The following COP1 variants were observed in gnomAD, a reference collection of about 807,000 sequenced individuals.
COP1 encodes the protein COP1 E3 ubiquitin ligase, also known as E3 ubiquitin-protein ligase COP1.
In COP1, 24 loss-of-function variants were observed where a neutral mutation model predicts 101.3. That is an observed-to-expected ratio of 0.24 (90% CI 0.17 to 0.33). The LOEUF is 0.33. Ranked by LOEUF, COP1 falls within the 10% of genes least tolerant of loss-of-function variation. The pLI, the probability that COP1 is intolerant of heterozygous loss-of-function variation, is 1.00. For missense variants in COP1, 663 were observed against 906.2 expected (o/e 0.73, Z 3.45); for synonymous variants, 347 against 341.9 (o/e 1.01, Z -0.17).
intron 11 of COP1, among the ~76,000 whole-genome samples, chr1:176,051,549 T>C (rs532060511): frequency 1.3e-5 from 2 of 152,328 alleles, no homozygotes; most frequent in South Asian, 2.1e-4. Context: ...TATACATTTA[T>C]CATTACTTTA....
At chr1:176,160,177 G>C (rs984453557) in intron 5 of COP1, 14 of 285,560 alleles carry the variant, frequency 4.9e-5, no homozygotes, top group African/African-American at 3.0e-4. Flanking sequence ...GCTGGCATAT[G>C]AGAAGGTAGG....
chr1:176,133,962 T>G (rs1312298818), intron 8 of COP1: 2 of 435,928 alleles, frequency 4.6e-6, no homozygotes, highest in East Asian at 1.4e-4. Flanking sequence ...AAGTAAAATA[T>G]AGAAGAAAAT....
At chr1:176,061,207 AACAG>A (rs1451426236) in intron 11 of COP1, among the ~76,000 whole-genome samples, 1 of 152,188 alleles carries the variant, frequency 6.6e-6, no homozygotes, top group Admixed American at 6.5e-5. Context: ...AATACAACAG[AACAG>A]ACAGTTAAGT....
chr1:176,066,304 C>G (rs1030478075), intron 11 of COP1, among the ~76,000 whole-genome samples: 2 of 152,142 alleles, frequency 1.3e-5, no homozygotes, highest in African/African-American at 4.8e-5. Context: ...GTAAAACTTT[C>G]AACATCAAAT....
intron 18 of COP1, among the ~76,000 whole-genome samples, chr1:175,960,660 T>G (rs1315355436): frequency 1.3e-5 from 2 of 152,176 alleles, no homozygotes; most frequent in Middle Eastern, 3.2e-3. Flanking sequence ...ACTGGTAACA[T>G]CAAAAGCAAC....
chr1:176,015,033 T>C (rs1348416757), intron 15 of COP1, among the ~76,000 whole-genome samples: 1 of 152,126 alleles, frequency 6.6e-6, no homozygotes, highest in East Asian at 1.9e-4. Context: ...GTGAGTCTCC[T>C]TGACAGAGGG....
In COP1 at chr1:175,976,270, C is replaced by CT. The variant is rs10694480; in HGVS notation, c.2133+10672dup. 4.9e-3 allele frequency among the ~76,000 whole-genome samples: 281 copies of CT among 56,846 alleles called. 57 individuals carry two copies. Among genetic ancestry groups the CT allele is most frequent in the African/African-American group, 0.012 (166 of 13,516 alleles). 37.3% of individuals were successfully genotyped at this position (56,846 alleles called of 152,430 possible). On this transcript the variant is annotated intron_variant, in intron 18 of 19. Coordinates refer to ENST00000367669, the MANE Select transcript of COP1 (RefSeq NM_022457.7). ...TAAGTCTCTATATCAATTAGTCATT[C>CT]TTTTTTTTTTTTTTTTTTTTTTTTT...
intron 18 of COP1, among the ~76,000 whole-genome samples, chr1:175,982,106 T>C (rs1364437852): frequency 6.6e-6 from 1 of 152,034 alleles, no homozygotes; most frequent in Non-Finnish European, 1.5e-5. Flanking sequence ...TTATGGAAAA[T>C]AATATGGAGG....
intron 2 of COP1, among the ~76,000 whole-genome samples, chr1:176,176,908 C>T (rs1025856110): frequency 2.0e-5 from 3 of 152,160 alleles, no homozygotes; most frequent in African/African-American, 7.2e-5. Flanking sequence ...TGTTAACCAG[C>T]ACAACTTTCC....
In COP1 at chr1:176,158,061, A is replaced by C. The variant is rs182592796; in HGVS notation, c.762+4808T>G. Among the ~76,000 whole-genome samples, 144 of 152,272 alleles carry C rather than the reference A, an allele frequency of 9.5e-4. 1 individual carries two copies. The highest frequency in any genetic ancestry group is 3.1e-3 in the African/African-American group (128 of 41,568). On this transcript the variant is annotated intron_variant, in intron 5 of 19. Transcript: ENST00000367669. ...AACTATAAATCTACAGATCTAAAAA[A>C]TTCAAAGAACCCAATAACAAAAAAC...
chr1:176,049,895 G>C (rs937568635), intron 11 of COP1, among the ~76,000 whole-genome samples: 7 of 152,154 alleles, frequency 4.6e-5, no homozygotes, highest in South Asian at 2.1e-4. Context: ...ACAGTGACTA[G>C]TTAGGCTGAG....
intron 15 of COP1, among the ~76,000 whole-genome samples, chr1:175,995,667 G>C (rs1028483058): frequency 2.0e-5 from 3 of 152,096 alleles, no homozygotes; most frequent in Non-Finnish European, 4.4e-5. Flanking sequence ...TAAATTCCTC[G>C]ACACATACAC....
chr1:176,161,388 A>G (rs1694301228), intron 5 of COP1, among the ~76,000 whole-genome samples: 1 of 152,130 alleles, frequency 6.6e-6, no homozygotes, highest in African/African-American at 2.4e-5. Flanking sequence ...CAAGAGTTTG[A>G]GACTACTGTA....
At chr1:176,088,263 A>G (rs2149437891) in intron 9 of COP1, among the ~76,000 whole-genome samples, 1 of 152,208 alleles carries the variant, frequency 6.6e-6, no homozygotes. Context: ...TAAAAAAAAA[A>G]AGAATGAGCT....
At chr1:176,091,878 A>T (rs1681391872) in intron 9 of COP1, among the ~76,000 whole-genome samples, 1 of 152,214 alleles carries the variant, frequency 6.6e-6, no homozygotes, top group African/African-American at 2.4e-5. Flanking sequence ...AAATAAAGGT[A>T]TGCTATCTGC....
intron 3 of COP1, among the ~76,000 whole-genome samples, chr1:176,167,176 C>T (rs567677035): frequency 2.6e-5 from 4 of 152,244 alleles, no homozygotes; most frequent in African/African-American, 9.6e-5. Flanking sequence ...TAGAGTCACA[C>T]ACTTAGTGGG....
chr1:176,039,857 AC>A lies in COP1; in HGVS notation c.1612+3328del, dbSNP rs372316536. ...GTGATGATGGAAAAATGAAATATCC[AC>A]AGATAAAAGAATAAAGGTGGATCGT... On this transcript the variant is annotated intron_variant, in intron 14 of 19. Transcript: ENST00000367669. 3.3e-4 allele frequency among the ~76,000 whole-genome samples: 51 copies of A among 152,326 alleles called. No homozygotes were observed. The East Asian group carries it at 7.1e-3, about 21-fold the overall frequency.
chr1:175,995,851 TATTCCAATCAACAGAAAAAGAGA>T (rs1246460400), intron 15 of COP1, among the ~76,000 whole-genome samples: 2 of 152,188 alleles, frequency 1.3e-5, no homozygotes, highest in African/African-American at 4.8e-5. Context: ...CTTCTGAAAC[TATTCCAATCAACAGAAAAAGAGA>T]GAATCCTCCC....
chr1:175,965,651 C>T (rs185627669), intron 18 of COP1, among the ~76,000 whole-genome samples: 3 of 151,854 alleles, frequency 2.0e-5, no homozygotes, highest in African/African-American at 7.2e-5. Context: ...TGCAGTGGTG[C>T]AGTCTCGGCT....
Sources: gnomAD v4.1 joint callset for allele counts (sites outside exome capture counted in the v4.1 genomes callset) on GRCh38, gnomAD v4.1.1 for gene constraint, MANE v1.5 for transcripts, NCBI Gene and HGNC (gene_info 2026-07-23, HGNC 2026-07-21) for gene names.